TSPAN5: variants seen among roughly 807,000 people sequenced by gnomAD.
The protein encoded by TSPAN5 is tetraspanin-5.
TSPAN5 carries 10 observed loss-of-function variants against 37.1 expected under a neutral mutation model. The observed-to-expected ratio is 0.27, with a 90% CI of 0.17 to 0.46. The LOEUF (loss-of-function observed/expected upper bound fraction) is 0.46. Ranked by LOEUF, TSPAN5 falls within the 20% of genes least tolerant of loss-of-function variation. The pLI, the probability that TSPAN5 is intolerant of heterozygous loss-of-function variation, is 1.00. For synonymous variants in TSPAN5, 110 were observed against 118.9 expected, an observed-to-expected ratio of 0.93 and a Z score of 0.48; for missense variants, 195 against 326.6, an observed-to-expected ratio of 0.60 and a Z score of 3.11.
At chr4:98,561,742 G>A (rs1020818780) in intron 1 of TSPAN5, among the ~76,000 whole-genome samples, 1 of 152,250 alleles carries the variant, frequency 6.6e-6, no homozygotes, top group Non-Finnish European at 1.5e-5. Context: ...ACATTTAGAA[G>A]CATCTGTTAT....
At chr4:98,608,480 T>C (rs1231818699) in intron 1 of TSPAN5, among the ~76,000 whole-genome samples, 1 of 152,128 alleles carries the variant, frequency 6.6e-6, no homozygotes, top group Non-Finnish European at 1.5e-5. Context: ...AAGCTGCATG[T>C]TCCTAACCCC....
intron 1 of TSPAN5, among the ~76,000 whole-genome samples, chr4:98,550,107 AC>A (rs1754573917): frequency 6.6e-6 from 1 of 152,094 alleles, no homozygotes; most frequent in South Asian, 2.1e-4. Context: ...TCTACAACAT[AC>A]ATCCAATTTT....
chr4:98,622,296 C>T (rs535377549), intron 1 of TSPAN5, among the ~76,000 whole-genome samples: 4 of 152,282 alleles, frequency 2.6e-5, no homozygotes, highest in Non-Finnish European at 4.4e-5. Flanking sequence ...AGACTGGTCT[C>T]GAACTCCTGG....
At chr4:98,532,882 T>C (rs892619623) in intron 1 of TSPAN5, among the ~76,000 whole-genome samples, 7 of 152,106 alleles carry the variant, frequency 4.6e-5, no homozygotes, top group Admixed American at 3.9e-4. Context: ...CCTAGTTTAT[T>C]GAGTTTTTAG....
At chr4:98,605,122 T>C (rs987863821) in intron 1 of TSPAN5, among the ~76,000 whole-genome samples, 1 of 152,246 alleles carries the variant, frequency 6.6e-6, no homozygotes, top group Non-Finnish European at 1.5e-5. Context: ...TGCTTATGTG[T>C]TATCTCTTTT....
chr4:98,522,605 T>C (rs1185992750), intron 1 of TSPAN5, among the ~76,000 whole-genome samples: 4 of 152,240 alleles, frequency 2.6e-5, no homozygotes, highest in Admixed American at 6.5e-5. Context: ...GAGAGATGAA[T>C]GCAGGATGCA....
At chr4:98,524,033 T>C (rs1310285595) in intron 1 of TSPAN5, among the ~76,000 whole-genome samples, 1 of 152,252 alleles carries the variant, frequency 6.6e-6, no homozygotes, top group African/African-American at 2.4e-5. Context: ...AACACACTAT[T>C]ATTGCCATTA....
At chr4:98,504,005 A>G (rs1753415994) in intron 2 of TSPAN5, among the ~76,000 whole-genome samples, 1 of 152,220 alleles carries the variant, frequency 6.6e-6, no homozygotes, top group Admixed American at 6.5e-5. Context: ...ACTCAGACAA[A>G]ATGAATTCTT....
At chr4:98,531,529 T>C (rs1754088284) in intron 1 of TSPAN5, among the ~76,000 whole-genome samples, 1 of 152,342 alleles carries the variant, frequency 6.6e-6, no homozygotes, top group South Asian at 2.1e-4. Context: ...GCAATAAACA[T>C]ACATACATGT....
At chr4:98,483,325 A>G (rs1752888683) in intron 3 of TSPAN5, 1 of 152,204 alleles carries the variant, frequency 6.6e-6, no homozygotes, top group South Asian at 2.1e-4. Context: ...CTGCCAGCCA[A>G]GAGAAAAATG....
chr4:98,515,656 C>G (rs1753712086), intron 1 of TSPAN5, among the ~76,000 whole-genome samples: 2 of 152,092 alleles, frequency 1.3e-5, no homozygotes, highest in African/African-American at 4.8e-5. Flanking sequence ...TAACAGAGAT[C>G]AGTGATGGGG....
chr4:98,606,246 A>G (rs1443970712), intron 1 of TSPAN5, among the ~76,000 whole-genome samples: 1 of 152,214 alleles, frequency 6.6e-6, no homozygotes, highest in East Asian at 1.9e-4. Flanking sequence ...CTTTGAAGCC[A>G]TCTTTGCTAC....
At chr4:98,592,428 GTT>G (rs35941064) in intron 1 of TSPAN5, among the ~76,000 whole-genome samples, 54,954 of 119,028 alleles carry the variant, frequency 0.46, 10,625 homozygotes, top group South Asian at 0.5. Flanking sequence ...TCTGTTTTTT[GTT>G]TTTTTTTTTT....
chr4:98,636,502 T>C (rs1025342245), intron 1 of TSPAN5, among the ~76,000 whole-genome samples: 2 of 152,196 alleles, frequency 1.3e-5, no homozygotes, highest in Admixed American at 6.5e-5. Context: ...TAGAGAAATC[T>C]CCTGCAGTAG....
chr4:98,578,875 A>G (rs904127888), intron 1 of TSPAN5, among the ~76,000 whole-genome samples: 1 of 152,040 alleles, frequency 6.6e-6, no homozygotes, highest in African/African-American at 2.4e-5. Flanking sequence ...TAAGTTACAT[A>G]TGACACCTCC....
intron 1 of TSPAN5, among the ~76,000 whole-genome samples, chr4:98,627,326 T>A (rs1385003632): frequency 6.6e-6 from 1 of 152,022 alleles, no homozygotes; most frequent in African/African-American, 2.4e-5. Flanking sequence ...TGGAGAAAAC[T>A]GAAGGGATTT....
chr4:98,500,124 T>C (rs1753312609), intron 2 of TSPAN5: 1 of 152,188 alleles, frequency 6.6e-6, no homozygotes, highest in African/African-American at 2.4e-5. Context: ...AAGAAATCTA[T>C]TTTTTTCTGC....
chr4:98,647,380 C>G (rs1176855208), intron 1 of TSPAN5, among the ~76,000 whole-genome samples: 1 of 152,204 alleles, frequency 6.6e-6, no homozygotes, highest in Non-Finnish European at 1.5e-5. Flanking sequence ...GGAAGCACAA[C>G]ATTATGCTTT....
intron 1 of TSPAN5, among the ~76,000 whole-genome samples, chr4:98,635,395 C>T (rs936842733): frequency 5.3e-5 from 8 of 152,180 alleles, no homozygotes; most frequent in Non-Finnish European, 1.2e-4. Flanking sequence ...ACTATCCCAA[C>T]AATGAATCCC....
Sources: gnomAD v4.1 joint callset for allele counts (sites outside exome capture counted in the v4.1 genomes callset) on GRCh38, gnomAD v4.1.1 for gene constraint, MANE v1.5 for transcripts, NCBI Gene and HGNC (gene_info 2026-07-23, HGNC 2026-07-21) for gene names.